Variants in KLHL24 observed in about 807,000 individuals in gnomAD.
KLHL24 encodes kelch like family member 24, also known as kelch-like protein 24.
In KLHL24, 29 loss-of-function variants were observed where a neutral mutation model predicts 53.4. The observed-to-expected ratio is 0.54, with a 90% confidence interval of 0.40 to 0.74. The LOEUF is 0.74. Ranked by LOEUF, KLHL24 falls within the 30% of genes least tolerant of loss-of-function variation. The pLI is 0.00. For missense variants in KLHL24, 504 were observed against 744.0 expected (o/e 0.68, Z 3.75); for synonymous variants, 222 against 253.7 (o/e 0.88, Z 1.19).
At chr3:183,652,823 C>T (rs751769792) in intron 3 of KLHL24, among the ~76,000 whole-genome samples, 3 of 152,168 alleles carry the variant, frequency 2.0e-5, no homozygotes, top group Non-Finnish European at 4.4e-5. Context: ...GAAAATCACT[C>T]CTTTTTCCAA....
intron 2 of KLHL24, among the ~76,000 whole-genome samples, chr3:183,645,779 T>C (rs1302170117): frequency 6.6e-6 from 1 of 152,224 alleles, no homozygotes; most frequent in Admixed American, 6.5e-5. Flanking sequence ...GTTTGGACCA[T>C]AACATACATG....
At chr3:183,656,282 G>A (rs1718879919) in intron 3 of KLHL24, among the ~76,000 whole-genome samples, 1 of 151,922 alleles carries the variant, frequency 6.6e-6, no homozygotes, top group African/African-American at 2.4e-5. Context: ...TCCCTCCTTG[G>A]CTTCCCAAAG....
At chr3:183,636,852 G>A (rs1715338559) in intron 1 of KLHL24, among the ~76,000 whole-genome samples, 1 of 152,136 alleles carries the variant, frequency 6.6e-6, no homozygotes, top group East Asian at 1.9e-4. Flanking sequence ...CCCCTGCTGC[G>A]GGCGGCTGGT....
At chr3:183,673,362 A>G (rs891395079) in intron 7 of KLHL24, among the ~76,000 whole-genome samples, 1 of 151,498 alleles carries the variant, frequency 6.6e-6, no homozygotes, top group East Asian at 1.9e-4. Flanking sequence ...CATCCCATGG[A>G]GAAGTATCTG....
chr3:183,678,589 G>A (rs1313240314), intron 7 of KLHL24, among the ~76,000 whole-genome samples: 1 of 151,920 alleles, frequency 6.6e-6, no homozygotes, highest in African/African-American at 2.4e-5. Context: ...CTGTGTCATG[G>A]GGGTTTGTTG....
chr3:183,644,063 A>T (rs1716877973), intron 2 of KLHL24: 1 of 77,122 alleles, frequency 1.3e-5, no homozygotes, highest in Admixed American at 1.8e-4. Flanking sequence ...TTTTTTTGAG[A>T]CGGAGTCTTG....
intron 3 of KLHL24, among the ~76,000 whole-genome samples, chr3:183,659,063 C>T (rs1378735420): frequency 1.3e-5 from 2 of 152,074 alleles, no homozygotes; most frequent in African/African-American, 2.4e-5. Context: ...ACCTTGGTCT[C>T]CCAAAGTGTG....
chr3:183,664,160 A>G (rs1233557583), intron 4 of KLHL24: 3 of 152,202 alleles, frequency 2.0e-5, no homozygotes, highest in African/African-American at 7.2e-5. Context: ...AATGATTTAC[A>G]AAAGATCCAC....
chr3:183,638,075 C>T (rs529113119), intron 1 of KLHL24, among the ~76,000 whole-genome samples: 1 of 152,264 alleles, frequency 6.6e-6, no homozygotes, highest in East Asian at 1.9e-4. Flanking sequence ...ATGGTTACAC[C>T]GGAATGAGCA....
chr3:183,667,155 C>A (rs189941894), intron 5 of KLHL24, among the ~76,000 whole-genome samples: 13 of 152,316 alleles, frequency 8.5e-5, no homozygotes, highest in Non-Finnish European at 1.8e-4. Flanking sequence ...CGTGGTGGCT[C>A]ACACCTGTAA....
At chr3:183,660,699 T>C (rs1487467451) in intron 3 of KLHL24, among the ~76,000 whole-genome samples, 3 of 152,088 alleles carry the variant, frequency 2.0e-5, no homozygotes, top group Non-Finnish European at 4.4e-5. Context: ...ATAGAAGCAG[T>C]CCTACCTATT....
rs758881106 is a variant in KLHL24 at position 183,671,070 on chromosome 3, C to CT, written c.1263dup (p.Ser422Ter). On this transcript the variant is annotated frameshift_variant, in exon 6 of 8. Transcript: ENST00000242810. LOFTEE classifies it high-confidence loss of function. ...CGGTGGCTATGATGGGCAAAACAGA[C>CT]TTAGCAGCGTAGAATGTTATGATTC... The CT allele has an allele frequency of 6.2e-7, 1 of 1,613,932 alleles. No homozygotes were observed. Among genetic ancestry groups the CT allele is most frequent in the Non-Finnish European group, 8.5e-7 (1 of 1,179,912 alleles).
At position 183,683,418 on chromosome 3, in the gene KLHL24, C is replaced by A. The variant is rs919990957; in HGVS notation, c.*4132C>A. 10 of 152,556 alleles carry A rather than the reference C, an allele frequency of 6.6e-5. No individual in the cohort carries two copies. Among genetic ancestry groups the A allele is most frequent in the African/African-American group, 2.4e-4 (10 of 41,422 alleles). 9.5% of individuals were successfully genotyped at this position (152,556 alleles called of 1,614,324 possible). On this transcript the variant is annotated 3_prime_UTR_variant, in exon 8 of 8. Coordinates refer to ENST00000242810, the MANE Select transcript of KLHL24 (RefSeq NM_017644.3). ...AAAGCCAGGTTTACATCACCTCACC[C>A]CATTATTCTTTTTAGTTAAATAAAT...
rs1712823414 is a variant in KLHL24 at position 183,682,936 on chromosome 3, CG to C, written c.*3651del. ...CATCTACTTCAAACTGTATTTTTTT[CG>C]TTTTTTTTTTTTTTTGGGGAAGGGG... On this transcript the variant is annotated 3_prime_UTR_variant, in exon 8 of 8. Transcript: ENST00000242810. 1 of 120,974 alleles carries C rather than the reference CG, an allele frequency of 8.3e-6. No homozygotes were observed. The highest frequency in any genetic ancestry group is 2.4e-4 in the East Asian group (1 of 4,190). The allele number at this position is 120,974 out of a possible 1,614,324, so 7.5% of individuals were successfully genotyped here. A position where few individuals can be genotyped will look rare whatever the true frequency, so the allele number is the denominator to read the frequency against.
At chr3:183,646,873 G>C (rs56237221) in intron 2 of KLHL24, among the ~76,000 whole-genome samples, 1 of 151,620 alleles carries the variant, frequency 6.6e-6, no homozygotes, top group African/African-American at 2.4e-5. Flanking sequence ...GCAGTGGCGC[G>C]ATCTAGGCTC....
chr3:183,663,477 G>A lies in KLHL24; in HGVS notation c.940G>A (p.Val314Met). 1.9e-6 allele frequency: 3 copies of A among 1,560,314 alleles called. No individual in the cohort carries two copies. Among genetic ancestry groups the A allele is most frequent in the Non-Finnish European group, 2.6e-6 (3 of 1,147,814 alleles). The change falls in exon 4 of 8, where the codon GTG (valine) becomes ATG (methionine). Residue 314 changes from valine (V) to methionine (M), a missense_variant. Val to Met is a conservative substitution (Grantham distance 21). Transcript: ENST00000242810. This position sits in a 1 kb window ranked among gnomAD's most constrained non-coding sequence, Gnocchi z 4.9. ...TTTTAGGTCCACTGGCTATTCTGAG[G>A]TGATAGTTGTCGTTGGAGGATGTGA... Reference protein sequence around the residue: ...RPRRSTGYSEVIVVVGGCERV... With the variant: ...RPRRSTGYSEMIVVVGGCERV...
At chr3:183,676,674 A>G (rs6807489) in intron 7 of KLHL24, among the ~76,000 whole-genome samples, 42,989 of 152,012 alleles carry the variant, frequency 0.28, 6,253 homozygotes, top group Middle Eastern at 0.35. Context: ...TCCTAAAAAC[A>G]CAGCTTATTA....
At chr3:183,654,215 A>G (rs755302743) in intron 3 of KLHL24, among the ~76,000 whole-genome samples, 21 of 152,190 alleles carry the variant, frequency 1.4e-4, no homozygotes, top group Non-Finnish European at 2.9e-4. Flanking sequence ...GGCTTCTGGA[A>G]TGCCATTCTC....
At position 183,676,148 on chromosome 3, in the gene KLHL24, A is replaced by G. The variant is rs555468704; in HGVS notation, c.1603-2938A>G. On this transcript the variant is annotated intron_variant, in intron 7 of 7. Transcript: ENST00000242810. ...ACCACCAATGCTACTAAATACATCTATGCACACATTGATCTCGGCTCACTG... is the reference window on the plus strand; with the variant it reads ...ACCACCAATGCTACTAAATACATCTGTGCACACATTGATCTCGGCTCACTG... Among the ~76,000 whole-genome samples the G allele has an allele frequency of 5.9e-5, 9 of 152,278 alleles. No individual in the cohort carries two copies. The South Asian group carries it at 1.0e-3, about 18-fold the overall frequency.
Sources: allele counts gnomAD v4.1 joint callset (sites outside exome capture counted in the v4.1 genomes callset), GRCh38; gene constraint gnomAD v4.1.1; non-coding constraint Gnocchi (gnomAD v3.1); transcripts MANE v1.5; gene names NCBI Gene and HGNC (gene_info 2026-07-23, HGNC 2026-07-21).